Variants in SGCZ observed in about 807,000 individuals in gnomAD.
SGCZ encodes sarcoglycan zeta, also known as zeta-sarcoglycan.
In SGCZ, 40 loss-of-function variants were observed where a neutral mutation model predicts 41.3. The observed-to-expected ratio is 0.97, with a 90% confidence interval of 0.75 to 1.26. SGCZ has a LOEUF of 1.26. Ranked by LOEUF, SGCZ falls within the 50% of genes most tolerant of loss-of-function variation. The probability of loss-of-function intolerance (pLI) is 0.00; values close to 1 mark genes in which losing one functional copy is unlikely to be tolerated. For missense variants in SGCZ, 552 were observed against 369.8 expected (o/e 1.49, Z -4.04); for synonymous variants, 206 against 137.5 (o/e 1.50, Z -3.49).
intron 5 of SGCZ, among the ~76,000 whole-genome samples, chr8:14,159,746 A>G (rs1188651560): frequency 1.3e-5 from 2 of 152,190 alleles, no homozygotes; most frequent in East Asian, 3.8e-4. Flanking sequence ...CATTCTTGGC[A>G]TTTGGACAGT....
At chr8:14,649,117 C>T (rs1390656846) in intron 1 of SGCZ, among the ~76,000 whole-genome samples, 1 of 152,116 alleles carries the variant, frequency 6.6e-6, no homozygotes, top group Admixed American at 6.6e-5. Flanking sequence ...TCTTAAGGAA[C>T]ATCACTGGAT....
intron 2 of SGCZ, among the ~76,000 whole-genome samples, chr8:14,457,862 G>A (rs371898464): frequency 2.0e-4 from 31 of 152,086 alleles, no homozygotes; most frequent in African/African-American, 1.7e-4. Flanking sequence ...CCAGACATTC[G>A]GGGCCACTAC....
intron 3 of SGCZ, among the ~76,000 whole-genome samples, chr8:14,312,236 G>A (rs1228827742): frequency 1.3e-5 from 2 of 152,056 alleles, no homozygotes; most frequent in African/African-American, 4.8e-5. Flanking sequence ...TCTTACTGTG[G>A]TTCAAATTCA....
chr8:14,192,764 A>T (rs938709603), intron 4 of SGCZ, among the ~76,000 whole-genome samples: 1 of 152,056 alleles, frequency 6.6e-6, no homozygotes, highest in Non-Finnish European at 1.5e-5. Flanking sequence ...AAAACAATGG[A>T]AAGTTTTCAT....
chr8:14,716,158 G>A (rs1199196591), intron 1 of SGCZ, among the ~76,000 whole-genome samples: 2 of 151,874 alleles, frequency 1.3e-5, no homozygotes. Flanking sequence ...TGACATAATT[G>A]AGCCGAGTAT....
At chr8:15,094,968 G>A (rs1263616357) in intron 1 of SGCZ, among the ~76,000 whole-genome samples, 1 of 152,162 alleles carries the variant, frequency 6.6e-6, no homozygotes, top group Non-Finnish European at 1.5e-5. Flanking sequence ...TCATAGCAAT[G>A]TGAGAACTGA....
chr8:14,866,341 AAAC>A, intron 1 of SGCZ, among the ~76,000 whole-genome samples: 1 of 152,162 alleles, frequency 6.6e-6, no homozygotes, highest in South Asian at 2.1e-4. Context: ...TTAAAAGGTA[AAAC>A]ACTGGTTTTA....
rs960743840 is a variant in SGCZ, at chr8:14,731,815, A to G, written c.40-176889T>C. 1.0e-3 allele frequency among the ~76,000 whole-genome samples: 156 copies of G among 152,246 alleles called. 2 individuals carry two copies. Among genetic ancestry groups the G allele is most frequent in the African/African-American group, 3.6e-3 (150 of 41,554 alleles). ...TTTCTTTTTCTAAAATGGTTACTCA[A>G]TCTGAGTACCACTTTTTCTACAATT... On this transcript the variant is annotated intron_variant, in intron 1 of 7. Transcript: ENST00000382080.
chr8:14,412,939 C>G (rs12549464), intron 2 of SGCZ, among the ~76,000 whole-genome samples: 68,708 of 151,676 alleles, frequency 0.45, 16,905 homozygotes, highest in African/African-American at 0.66. Context: ...TGTATTATGT[C>G]AGAAAAGTAA....
At chr8:14,352,913 G>A (rs1803154385) in intron 2 of SGCZ, among the ~76,000 whole-genome samples, 1 of 151,884 alleles carries the variant, frequency 6.6e-6, no homozygotes, top group African/African-American at 2.4e-5. Context: ...ATTGATCTCT[G>A]CATACATATC....
intron 1 of SGCZ, among the ~76,000 whole-genome samples, chr8:14,797,915 G>T (rs1327338556): frequency 6.6e-6 from 1 of 152,212 alleles, no homozygotes; most frequent in African/African-American, 2.4e-5. Context: ...TGTTGAGACT[G>T]CAGGTACACA....
intron 1 of SGCZ, among the ~76,000 whole-genome samples, chr8:15,003,715 G>A (rs1300047038): frequency 1.3e-5 from 2 of 152,038 alleles, no homozygotes; most frequent in Non-Finnish European, 1.5e-5. Flanking sequence ...AAATAAATCA[G>A]GATTTATGAC....
intron 2 of SGCZ, among the ~76,000 whole-genome samples, chr8:14,354,891 A>G (rs979139216): frequency 6.6e-6 from 1 of 151,852 alleles, no homozygotes; most frequent in African/African-American, 2.4e-5. Context: ...ATATATTGTA[A>G]AATTTTATTT....
intron 3 of SGCZ, among the ~76,000 whole-genome samples, chr8:14,314,654 TTCAGTGTTTTCA>T (rs1801656524): frequency 6.6e-6 from 1 of 152,134 alleles, no homozygotes; most frequent in African/African-American, 2.4e-5. Context: ...AGTGAATGGT[TTCAGTGTTTTCA>T]TCAGTGGGTA....
chr8:14,498,353 T>G (rs1802052668), intron 2 of SGCZ, among the ~76,000 whole-genome samples: 1 of 152,166 alleles, frequency 6.6e-6, no homozygotes, highest in African/African-American at 2.4e-5. Context: ...TTTTGTTGGG[T>G]TCCTTCAGAC....
At position 14,340,340 on chromosome 8, in the gene SGCZ, C is replaced by A. The variant is rs536580248; in HGVS notation, c.235-16136G>T. Among the ~76,000 whole-genome samples, 26 of 152,232 alleles carry A rather than the reference C, an allele frequency of 1.7e-4. 1 individual carries two copies. The South Asian group carries it at 4.6e-3, about 27-fold the overall frequency. On this transcript the variant is annotated intron_variant, in intron 2 of 7. Transcript: ENST00000382080. Reference sequence around the variant, plus strand: ...AAACCATACTCTGGTTAGTTATGATCCAATTACAGCAACAGTTTTATTGTT... The same window carrying A: ...AAACCATACTCTGGTTAGTTATGATACAATTACAGCAACAGTTTTATTGTT...
intron 4 of SGCZ, among the ~76,000 whole-genome samples, chr8:14,222,855 C>T (rs1424859874): frequency 8.6e-6 from 1 of 116,560 alleles, no homozygotes; most frequent in Admixed American, 1.2e-4. Context: ...CTCTGTCGCC[C>T]AGGCTGGTGT....
chr8:14,448,282 G>T (rs546578550), intron 2 of SGCZ, among the ~76,000 whole-genome samples: 1 of 152,280 alleles, frequency 6.6e-6, no homozygotes, highest in Non-Finnish European at 1.5e-5. Context: ...TACATATTAA[G>T]AAATCATCAA....
chr8:14,340,358 T>G (rs1027288704), intron 2 of SGCZ, among the ~76,000 whole-genome samples: 1 of 152,152 alleles, frequency 6.6e-6, no homozygotes, highest in Non-Finnish European at 1.5e-5. Context: ...AGCAACAGTT[T>G]TATTGTTTTA....
Sources: gnomAD v4.1 joint callset for allele counts (sites outside exome capture counted in the v4.1 genomes callset) on GRCh38, gnomAD v4.1.1 for gene constraint, MANE v1.5 for transcripts, NCBI Gene and HGNC (gene_info 2026-07-23, HGNC 2026-07-21) for gene names.